GMCL1: variants seen among roughly 807,000 people sequenced by gnomAD.
GMCL1 encodes germ cell-less protein-like 1.
Under a neutral mutation model 75.5 loss-of-function variants are expected in GMCL1, and 54 were observed. That is an observed-to-expected ratio of 0.71 (90% CI 0.57 to 0.90). The LOEUF (loss-of-function observed/expected upper bound fraction) is 0.90, where lower values mean the gene tolerates loss of function less well. Among genes scored for constraint, GMCL1 ranks in the 40% least tolerant of loss-of-function variants. The pLI is 0.00. For missense variants in GMCL1, 537 were observed against 622.7 expected (o/e 0.86, Z 1.47); for synonymous variants, 210 against 209.6 (o/e 1.00, Z -0.02).
At chr2:69,860,838 T>A (rs1675617668) in intron 9 of GMCL1, among the ~76,000 whole-genome samples, 1 of 152,146 alleles carries the variant, frequency 6.6e-6, no homozygotes, top group Non-Finnish European at 1.5e-5. Context: ...TGTTTGTTTG[T>A]TTGTCTGTCT....
chr2:69,838,917 AAATT>A (rs1278776760), intron 2 of GMCL1, among the ~76,000 whole-genome samples: 7 of 152,340 alleles, frequency 4.6e-5, no homozygotes, highest in African/African-American at 1.7e-4. Context: ...ATTTTTAAAT[AAATT>A]AGTTAATATT....
chr2:69,866,174 T>G (rs1228355102), intron 11 of GMCL1, among the ~76,000 whole-genome samples: 1 of 151,412 alleles, frequency 6.6e-6, no homozygotes, highest in Admixed American at 6.6e-5. Flanking sequence ...CTTGAACTCG[T>G]AAGGCAGACG....
intron 10 of GMCL1, among the ~76,000 whole-genome samples, chr2:69,864,132 C>A (rs558785784): frequency 3.9e-4 from 60 of 152,102 alleles, no homozygotes; most frequent in African/African-American, 1.3e-3. Context: ...TAGTTCCCTA[C>A]TGAACTGAGC....
In GMCL1 at chr2:69,881,349, G is replaced by A. The variant is rs984167923; in HGVS notation, c.*2345G>A. The A allele has an allele frequency of 1.3e-5, 2 of 152,196 alleles. No individual in the cohort carries two copies. The highest frequency in any genetic ancestry group is 4.8e-5 in the African/African-American group (2 of 41,456). The allele number at this position is 152,196 out of a possible 1,614,324, so 9.4% of individuals were successfully genotyped here. On this transcript the variant is annotated 3_prime_UTR_variant, in exon 14 of 14. Coordinates refer to ENST00000282570, the MANE Select transcript of GMCL1 (RefSeq NM_178439.5). ...TTTCAATAGAAATATTTTCAATAAAGTGTTAATAGTGTAAGATAAAGTATT... is the reference window on the plus strand; with the variant it reads ...TTTCAATAGAAATATTTTCAATAAAATGTTAATAGTGTAAGATAAAGTATT...
At chr2:69,834,436 C>T (rs980304825) in intron 1 of GMCL1, among the ~76,000 whole-genome samples, 1 of 152,126 alleles carries the variant, frequency 6.6e-6, no homozygotes, top group Admixed American at 6.5e-5. Flanking sequence ...AGGAAGGGTG[C>T]AAAAGGGGGT....
intron 9 of GMCL1, among the ~76,000 whole-genome samples, chr2:69,859,895 G>T (rs972632993): frequency 1.3e-5 from 2 of 152,054 alleles, no homozygotes; most frequent in African/African-American, 4.8e-5. Flanking sequence ...TTTACATAGA[G>T]ATTGAGAAAT....
At chr2:69,841,522 A>G (rs1224364650) in intron 4 of GMCL1, among the ~76,000 whole-genome samples, 1 of 152,234 alleles carries the variant, frequency 6.6e-6, no homozygotes, top group African/African-American at 2.4e-5. Context: ...TGTGTTGAGC[A>G]CTGTGTCAAA....
chr2:69,852,880 A>T (rs1328443063), intron 8 of GMCL1, among the ~76,000 whole-genome samples: 1 of 152,112 alleles, frequency 6.6e-6, no homozygotes, highest in Non-Finnish European at 1.5e-5. Flanking sequence ...TAATTATTTG[A>T]CTTTTCAGAT....
At position 69,861,302 on chromosome 2, in the gene GMCL1, A is replaced by G; in HGVS notation, c.1097A>G (p.Gln366Arg). 1 of 1,609,314 alleles carries G rather than the reference A, an allele frequency of 6.2e-7. No homozygotes were observed. Among genetic ancestry groups the G allele is most frequent in the Non-Finnish European group, 8.5e-7 (1 of 1,176,394 alleles). The stretch of plus-strand genomic sequence containing the variant: ...GAATGGCTCTCTTCTGTGTATAAAC[A>G]GCAGTGGTTTGCTATGCTGCGGGCA... The part of the protein sequence containing the change: ...PSEWLSSVYK[Q>R]QWFAMLRAEQ... The change falls in exon 10 of 14, where the codon CAG becomes CGG. Residue 366 changes from glutamine to arginine, a missense_variant. Physicochemically the swap from Gln to Arg is conservative, Grantham distance 43 (BLOSUM62 1). This residue lies in a region of GMCL1 where 345 missense variants were observed against 410.5 expected (regional missense o/e 0.84). Transcript: ENST00000282570.
At chr2:69,841,100 AC>A in intron 4 of GMCL1, 61 bp downstream of exon 4, 1 of 1,132,210 alleles carries the variant, frequency 8.8e-7, no homozygotes, top group Non-Finnish European at 1.3e-6. Flanking sequence ...CAAAGTGTGT[AC>A]TCCAAAAACA....
chr2:69,866,249 GA>G (rs57495632), intron 11 of GMCL1, among the ~76,000 whole-genome samples: 74,649 of 133,248 alleles, frequency 0.56, 19,511 homozygotes, highest in African/African-American at 0.67. Context: ...TCCATCTCAA[GA>G]AAAAAAAAAA....
chr2:69,863,741 G>C (rs1408401241), intron 10 of GMCL1, among the ~76,000 whole-genome samples: 1 of 152,188 alleles, frequency 6.6e-6, no homozygotes, highest in African/African-American at 2.4e-5. Flanking sequence ...AGCATGATCT[G>C]TGGGGACTGT....
intron 1 of GMCL1, among the ~76,000 whole-genome samples, chr2:69,834,729 A>G (rs1412090086): frequency 6.6e-6 from 1 of 152,170 alleles, no homozygotes; most frequent in African/African-American, 2.4e-5. Context: ...TTGGATCCTT[A>G]TAATCTGGAG....
chr2:69,843,445 G>T (rs753381001), intron 5 of GMCL1, among the ~76,000 whole-genome samples, 184 bp downstream of exon 5: 4 of 152,172 alleles, frequency 2.6e-5, no homozygotes, highest in Non-Finnish European at 5.9e-5. Flanking sequence ...CCTCAAAAGT[G>T]TCGTCTTTGT....
At chr2:69,878,714 A>G (rs183932205) in intron 13 of GMCL1, among the ~76,000 whole-genome samples, 195 bp from the exon 14 acceptor site, 27 of 152,190 alleles carry the variant, frequency 1.8e-4, no homozygotes, top group Non-Finnish European at 3.4e-4. Context: ...TAAGTCAGGT[A>G]CTCTTACTGT....
chr2:69,877,234 A>C (rs903043048), intron 13 of GMCL1, among the ~76,000 whole-genome samples: 45 of 152,328 alleles, frequency 3.0e-4, no homozygotes, highest in African/African-American at 1.1e-3. Flanking sequence ...TGAAGCTCGG[A>C]TCGACCTATC....
At position 69,879,985 on chromosome 2, in the gene GMCL1, A is replaced by G. The variant is rs1394943148; in HGVS notation, c.*981A>G. ...ACATGCTAATAGAAATTTCATAGTAAATGTAAATAAGGTCAGAGGATGTAA... is the reference window on the plus strand; with the variant it reads ...ACATGCTAATAGAAATTTCATAGTAGATGTAAATAAGGTCAGAGGATGTAA... On this transcript the variant is annotated 3_prime_UTR_variant, in exon 14 of 14. Coordinates refer to ENST00000282570, the MANE Select transcript of GMCL1 (RefSeq NM_178439.5). 1 of 152,194 alleles carries G rather than the reference A, an allele frequency of 6.6e-6. No individual in the cohort carries two copies. The highest frequency in any genetic ancestry group is 2.4e-5 in the African/African-American group (1 of 41,448). The allele number at this position is 152,194 out of a possible 1,614,324, so 9.4% of individuals were successfully genotyped here.
In GMCL1 at chr2:69,830,013, C is replaced by T; in HGVS notation, c.121C>T (p.His41Tyr). The change falls in exon 1 of 14, where the codon CAC (histidine) becomes TAC (tyrosine). Residue 41 changes from histidine to tyrosine, a missense_variant. Transcript: ENST00000282570. ...RPDTGDDAAG[H>Y]GFCYCAGSHK... ...GGACACTGGAGACGATGCGGCGGGC[C>T]ACGGATTCTGTTACTGTGCGGGCAG... 6.4e-7 allele frequency: 1 copy of T among 1,565,144 alleles called. No individual in the cohort carries two copies. The highest frequency in any genetic ancestry group is 2.4e-5 in the East Asian group (1 of 41,926).
intron 10 of GMCL1, among the ~76,000 whole-genome samples, chr2:69,863,449 TCTC>T (rs1344647167): frequency 6.6e-6 from 1 of 152,162 alleles, no homozygotes; most frequent in East Asian, 1.9e-4. Flanking sequence ...CCTCTGGGCT[TCTC>T]CTCATAAAAC....
Sources: allele counts gnomAD v4.1 joint callset (sites outside exome capture counted in the v4.1 genomes callset), GRCh38; gene constraint gnomAD v4.1.1; regional missense constraint gnomAD v4.1.1; transcripts MANE v1.5; gene names NCBI Gene and HGNC (gene_info 2026-07-23, HGNC 2026-07-21).